The following MX2 variants were observed in gnomAD, a reference collection of about 807,000 sequenced individuals.
MX2 encodes interferon-induced GTP-binding protein Mx2.
A neutral mutation model predicts 74.0 loss-of-function variants in MX2; 51 were observed. The ratio of observed to expected loss-of-function variants is 0.69; its 90% confidence interval spans 0.55 to 0.87. MX2 has a LOEUF of 0.87. Among genes scored for constraint, MX2 ranks in the 40% least tolerant of loss-of-function variants. MX2 has a pLI of 0.00. For synonymous variants in MX2, 369 were observed against 339.3 expected, an observed-to-expected ratio of 1.09 and a Z score of -0.96; for missense variants, 832 against 908.7, an observed-to-expected ratio of 0.92 and a Z score of 1.09.
At position 41,368,129 on chromosome 21, in the gene MX2, G is replaced by A. The variant is rs2089283830; in HGVS notation, c.-72+6074G>A. Among the ~76,000 whole-genome samples the A allele has an allele frequency of 6.6e-6, 1 of 152,188 alleles. No homozygotes were observed. Among genetic ancestry groups the A allele is most frequent in the Non-Finnish European group, 1.5e-5 (1 of 68,036 alleles). On this transcript the variant is annotated intron_variant, in intron 1 of 13. Transcript: ENST00000330714. The surrounding 1 kb of genome is among the most constrained non-coding windows in gnomAD (Gnocchi z 4.6). Reference sequence around the variant, plus strand: ...CAAGCCCTGGAGAGGAACCCACAGTGCAGCGGCTCCTGAAAGCAGAGGCCT... The same window carrying A: ...CAAGCCCTGGAGAGGAACCCACAGTACAGCGGCTCCTGAAAGCAGAGGCCT...
chr21:41,372,655 A>G (rs1477368363), intron 1 of MX2, among the ~76,000 whole-genome samples: 2 of 152,186 alleles, frequency 1.3e-5, no homozygotes, highest in Non-Finnish European at 2.9e-5. Flanking sequence ...TAAGTTACTG[A>G]TCCCTTACTC....
At chr21:41,378,606 A>G (rs2089446183) in intron 3 of MX2, among the ~76,000 whole-genome samples, 1 of 152,252 alleles carries the variant, frequency 6.6e-6, no homozygotes, top group South Asian at 2.1e-4. Flanking sequence ...TCCTTGAACA[A>G]AAACTTTTAA....
intron 3 of MX2, among the ~76,000 whole-genome samples, chr21:41,379,671 G>A (rs2089461228): frequency 6.6e-6 from 1 of 152,218 alleles, no homozygotes; most frequent in East Asian, 1.9e-4. Flanking sequence ...CGGGGAGCCT[G>A]GACATGTACC....
Position 41,408,719 on chromosome 21 carries a change from T to G in MX2, c.*486T>G, listed in dbSNP as rs2089918647. 1 of 154,394 alleles carries G rather than the reference T, an allele frequency of 6.5e-6. No homozygotes were observed. Among genetic ancestry groups the G allele is most frequent in the East Asian group, 1.9e-4 (1 of 5,236 alleles). The allele number at this position is 154,394 out of a possible 1,614,324, so 9.6% of individuals were successfully genotyped here. A position where few individuals can be genotyped will look rare whatever the true frequency, so the allele number is the denominator to read the frequency against. On this transcript the variant is annotated 3_prime_UTR_variant, in exon 14 of 14. Transcript: ENST00000330714. ...GAGGCTATTGCTCAAGCCCAGGCCTTGGACATTTAGTGACTGTTAGCCGGT... is the reference window on the plus strand; with the variant it reads ...GAGGCTATTGCTCAAGCCCAGGCCTGGGACATTTAGTGACTGTTAGCCGGT...
rs74881385 is a variant in MX2, at chr21:41,380,177, G to A, written c.577+26G>A. The A allele has an allele frequency of 2.0e-3, 3,292 of 1,612,826 alleles. 65 individuals are homozygous for A. The African/African-American group carries it at 0.038, about 18-fold the overall frequency. On this transcript the variant is annotated intron_variant, in intron 4 of 13. Transcript: ENST00000330714. This position sits in a 1 kb window ranked among gnomAD's most constrained non-coding sequence, Gnocchi z 4.3. The stretch of plus-strand genomic sequence containing the variant: ...GTGGGCCCACGTCATTCTGAGGTTC[G>A]GATCTGGCAGCCGCTCCTCTCACTT...
rs2089409969 is a variant in MX2 at position 41,376,893 on chromosome 21, C to T, written c.-14C>T. ...CAGAGAAAGCATCCCCCAGCTCTGA[C>T]AGGGAGACAGCACATGTCTAAGGCC... is the stretch of plus-strand genomic sequence containing the variant. On this transcript the variant is annotated 5_prime_UTR_variant, in exon 2 of 14. Transcript: ENST00000330714. The T allele has an allele frequency of 6.2e-7, 1 of 1,612,610 alleles. No homozygotes were observed. Among genetic ancestry groups the T allele is most frequent in the Non-Finnish European group, 8.5e-7 (1 of 1,179,068 alleles).
chr21:41,376,930 G>T lies in MX2; in HGVS notation c.24G>T (p.Trp8Cys). Residue 8 changes from tryptophan (W) to cysteine (C), a missense_variant, in exon 2 of 14, where the codon TGG (tryptophan) becomes TGT (cysteine). Coordinates refer to ENST00000330714, the MANE Select transcript of MX2 (RefSeq NM_002463.2). MSKAHKP[W>C]PYRRRSQFSS... ...ACATGTCTAAGGCCCACAAGCCTTG[G>T]CCCTACCGGAGGAGAAGTCAATTTT... 6.2e-7 allele frequency: 1 copy of T among 1,613,948 alleles called. No homozygotes were observed. Among genetic ancestry groups the T allele is most frequent in the Non-Finnish European group, 8.5e-7 (1 of 1,180,020 alleles).
intron 6 of MX2, 57 bp downstream of exon 6, chr21:41,390,760 C>T (rs2089648468): frequency 6.3e-7 from 1 of 1,586,538 alleles, no homozygotes; most frequent in African/African-American, 1.3e-5. Context: ...AATCCCAGCA[C>T]TTTGGGAGGC....
At chr21:41,383,815 T>C (rs2089530675) in intron 5 of MX2, among the ~76,000 whole-genome samples, 1 of 152,180 alleles carries the variant, frequency 6.6e-6, no homozygotes, top group Non-Finnish European at 1.5e-5. Flanking sequence ...CTTGCTGAGT[T>C]AAGTGATGAA....
At chr21:41,384,098 G>A (rs968251374) in intron 5 of MX2, among the ~76,000 whole-genome samples, 7 of 151,982 alleles carry the variant, frequency 4.6e-5, no homozygotes, top group Admixed American at 2.0e-4. Flanking sequence ...TCTTGTTCTC[G>A]CACACATTCC....
rs757198401 is a variant in MX2, at chr21:41,377,162, C to G, written c.249+7C>G. ...GAGCCAACCAAGGGCAATGGTAAGC[C>G]CGGTGGAGGGACGTTCAGAAAGGGT... On this transcript the variant is annotated splice_region_variant and intron_variant, in intron 2 of 13. Transcript: ENST00000330714. 3 of 1,613,558 alleles carry G rather than the reference C, an allele frequency of 1.9e-6. No individual in the cohort carries two copies. In the East Asian group the frequency reaches 6.7e-5, roughly 36 times the overall value.
Position 41,390,616 on chromosome 21 carries a change from G to A in MX2, c.784G>A (p.Val262Met). 6.2e-7 allele frequency: 1 copy of A among 1,614,192 alleles called. No individual in the cohort carries two copies. The highest frequency in any genetic ancestry group is 8.5e-7 in the Non-Finnish European group (1 of 1,180,040). Residue 262 changes from valine to methionine, a missense_variant, in exon 6 of 14, where the codon GTG becomes ATG. By Grantham distance (21) the Val-to-Met change is conservative (BLOSUM62 1). Transcript: ENST00000330714. The stretch of plus-strand genomic sequence containing the variant: ...CCAGAGGCAGCAGACGATCAACTTG[G>A]TGGTGGTTCCCTGTAACGTGGACAT... ...YIQRQQTINL[V>M]VVPCNVDIAT...
At chr21:41,394,700 T>C (rs2089709377) in intron 6 of MX2, among the ~76,000 whole-genome samples, 1 of 152,102 alleles carries the variant, frequency 6.6e-6, no homozygotes, top group Admixed American at 6.5e-5. Context: ...CCCAACACTT[T>C]GGGAGGCTGA....
chr21:41,374,576 G>A (rs1279153482), intron 1 of MX2, among the ~76,000 whole-genome samples: 2 of 152,270 alleles, frequency 1.3e-5, no homozygotes, highest in Admixed American at 6.5e-5. Flanking sequence ...AGAGGTGGGA[G>A]AAGGAGGAAG....
chr21:41,387,834 C>T (rs760949170), intron 5 of MX2, among the ~76,000 whole-genome samples: 10 of 152,138 alleles, frequency 6.6e-5, no homozygotes, highest in Non-Finnish European at 1.3e-4. Context: ...CCCGATCTTC[C>T]CCCCAGTATC....
Position 41,402,840 on chromosome 21 carries a change from C to T in MX2, c.1574-427C>T, listed in dbSNP as rs2089831890. On this transcript the variant is annotated intron_variant, in intron 11 of 13. Coordinates refer to ENST00000330714, the MANE Select transcript of MX2 (RefSeq NM_002463.2). The surrounding 1 kb of genome is among the most constrained non-coding windows in gnomAD (Gnocchi z 4.5). ...CATAAGGAACACGCAACCTAGATCC[C>T]TCGCACGTGCAGCTCACAACAGGGT... 5.4e-6 allele frequency: 1 copy of T among 185,356 alleles called. No individual in the cohort carries two copies. The highest frequency in any genetic ancestry group is 1.1e-4 in the South Asian group (1 of 8,966). The allele number at this position is 185,356 out of a possible 1,614,324, so 11.5% of individuals were successfully genotyped here.
At chr21:41,377,405 GCCTCC>G (rs2089420951) in intron 2 of MX2, among the ~76,000 whole-genome samples, 5 of 152,144 alleles carry the variant, frequency 3.3e-5, no homozygotes, top group Admixed American at 3.3e-4. Flanking sequence ...TTTTCTTTCA[GCCTCC>G]CCTGCAGCCA....
rs377043573 is a variant in MX2 at position 41,397,541 on chromosome 21, C to T, written c.1071-72C>T. 140 of 1,404,382 alleles carry T rather than the reference C, an allele frequency of 1.0e-4. No homozygotes were observed. In the South Asian group the frequency reaches 1.2e-3, roughly 12 times the overall value. 87.0% of individuals were successfully genotyped at this position (1,404,382 alleles called of 1,614,324 possible). On this transcript the variant is annotated intron_variant, in intron 7 of 13. Coordinates refer to ENST00000330714, the MANE Select transcript of MX2 (RefSeq NM_002463.2). ...CCCGGGGAGCTGGGCTCACCTACCACGCACAAAGTCCGGTACTAGCAAGAT... is the reference window on the plus strand; with the variant it reads ...CCCGGGGAGCTGGGCTCACCTACCATGCACAAAGTCCGGTACTAGCAAGAT...
chr21:41,403,360 C>A lies in MX2; in HGVS notation c.1650+17C>A, dbSNP rs375694428. ...ACTGTTCAGGTAAGCACCCAGAGTT[C>A]ACTTGCTAGTCACCTGGACCACTGG... On this transcript the variant is annotated intron_variant, in intron 12 of 13. Coordinates refer to ENST00000330714, the MANE Select transcript of MX2 (RefSeq NM_002463.2). 6 of 1,598,456 alleles carry A rather than the reference C, an allele frequency of 3.8e-6. No individual in the cohort carries two copies. In the African/African-American group the frequency reaches 8.1e-5, roughly 21 times the overall value.
Sources: gnomAD v4.1 joint callset for allele counts (sites outside exome capture counted in the v4.1 genomes callset) on GRCh38, gnomAD v4.1.1 for gene constraint, Gnocchi (gnomAD v3.1) non-coding constraint, MANE v1.5 for transcripts, NCBI Gene and HGNC (gene_info 2026-07-23, HGNC 2026-07-21) for gene names.